APOE: variants seen among roughly 807,000 people sequenced by gnomAD.
The protein encoded by APOE is apolipoprotein E, also known as apolipoprotein E3.
APOE carries 10 observed loss-of-function variants against 13.1 expected under a neutral mutation model. The observed-to-expected ratio is 0.76, with a 90% confidence interval of 0.47 to 1.29. The LOEUF is 1.29. Among genes scored for constraint, APOE ranks in the 50% most tolerant of loss-of-function variants. APOE has a pLI of 0.00. For missense variants in APOE, 471 were observed against 459.6 expected, an observed-to-expected ratio of 1.02 and a Z score of -0.23; for synonymous variants, 211 against 207.1, an observed-to-expected ratio of 1.02 and a Z score of -0.16.
rs372938213 is a variant in APOE at position 44,908,646 on chromosome 19, C to T, written c.350C>T (p.Ala117Val). 4.4e-6 allele frequency: 7 copies of T among 1,597,976 alleles called. No homozygotes were observed. The highest frequency in any genetic ancestry group is 6.0e-6 in the Non-Finnish European group (7 of 1,172,414). ...GCACGGCTGTCCAAGGAGCTGCAGG[C>T]GGCGCAGGCCCGGCTGGGCGCGGAC... ...TRARLSKELQ[A>V]AQARLGADME... Residue 117 changes from alanine (A) to valine (V), a missense_variant, in exon 4 of 4, where the codon GCG (alanine) becomes GTG (valine). Physicochemically the swap from Ala to Val is moderately conservative, Grantham distance 64 (BLOSUM62 0). Coordinates refer to ENST00000252486, the MANE Select transcript of APOE (RefSeq NM_000041.4).
At position 44,908,997 on chromosome 19, in the gene APOE, C is replaced by T. The variant is rs1276043726; in HGVS notation, c.701C>T (p.Ala234Val). The T allele has an allele frequency of 3.3e-6, 5 of 1,534,146 alleles. No homozygotes were observed. The Admixed American group carries it at 5.9e-5, about 18-fold the overall frequency. Residue 234 changes from alanine (A) to valine (V), a missense_variant, in exon 4 of 4, where the codon GCG becomes GTG. Physicochemically the swap from Ala to Val is moderately conservative, Grantham distance 64. Coordinates refer to ENST00000252486, the MANE Select transcript of APOE (RefSeq NM_000041.4). The stretch of plus-strand genomic sequence containing the variant: ...CAGGCCTGGGGCGAGCGGCTGCGCG[C>T]GCGGATGGAGGAGATGGGCAGCCGG... The part of the protein sequence containing the change: ...RAQAWGERLR[A>V]RMEEMGSRTR...
In APOE at chr19:44,907,610, C is replaced by T. The variant is rs1273737846; in HGVS notation, c.44-150C>T. The T allele has an allele frequency of 1.3e-5, 9 of 709,982 alleles. No homozygotes were observed. The highest frequency in any genetic ancestry group is 1.2e-4 in the African/African-American group (7 of 57,172). The allele number at this position is 709,982 out of a possible 1,614,324, so 44.0% of individuals were successfully genotyped here. ...AGACCCTGTTTATAAATACATAATG[C>T]TTTCCAAGTGATTAAACCGACTCCC... On this transcript the variant is annotated intron_variant, in intron 2 of 3. Transcript: ENST00000252486. This position sits in a 1 kb window ranked among gnomAD's most constrained non-coding sequence, Gnocchi z 4.1.
Position 44,906,322 on chromosome 19 carries a change from C to T in APOE, c.-23-280C>T, listed in dbSNP as rs769448. The T allele has an allele frequency of 0.02, 8,611 of 421,258 alleles. 98 individuals are homozygous for T. The highest frequency in any genetic ancestry group is 0.028 in the Non-Finnish European group (6,839 of 246,506). 26.1% of individuals were successfully genotyped at this position (421,258 alleles called of 1,614,324 possible). On this transcript the variant is annotated intron_variant, in intron 1 of 3. Coordinates refer to ENST00000252486, the MANE Select transcript of APOE (RefSeq NM_000041.4). ...TGCGAGACTGGGACTGAGATGGAACCGGCGGTGGGGAGGGGGTGGGGGGAT... is the reference window on the plus strand; with the variant it reads ...TGCGAGACTGGGACTGAGATGGAACTGGCGGTGGGGAGGGGGTGGGGGGAT...
At chr19:44,908,069 T>A in intron 3 of APOE, 117 bp downstream of exon 3, 2 of 956,172 alleles carry the variant, frequency 2.1e-6, no homozygotes, top group Non-Finnish European at 3.3e-6. Flanking sequence ...CTGCTGGTTC[T>A]AGCTTCCTCT....
At chr19:44,906,568 A>G (rs1441485841) in intron 1 of APOE, 34 bp from the exon 2 acceptor site, 4 of 1,613,492 alleles carry the variant, frequency 2.5e-6, no homozygotes, top group Non-Finnish European at 3.4e-6. Context: ...AGGAGTCCTC[A>G]CTGGCGGTTG....
rs972038965 is a variant in APOE, at chr19:44,905,858, G to A, written c.-24+17G>A. 9 of 1,295,102 alleles carry A rather than the reference G, an allele frequency of 6.9e-6. No individual in the cohort carries two copies. The highest frequency in any genetic ancestry group is 9.1e-6 in the Non-Finnish European group (9 of 985,968). 80.2% of individuals were successfully genotyped at this position (1,295,102 alleles called of 1,614,324 possible). On this transcript the variant is annotated intron_variant, in intron 1 of 3. Transcript: ENST00000252486. ...CAGGAGCCGGTGAGAAGCGCAGTCGGGGGCACGGGGATGAGCTCAGGGGCC... is the reference window on the plus strand; with the variant it reads ...CAGGAGCCGGTGAGAAGCGCAGTCGAGGGCACGGGGATGAGCTCAGGGGCC...
At position 44,909,345 on chromosome 19, in the gene APOE, C is replaced by A; in HGVS notation, c.*95C>A. The A allele has an allele frequency of 8.4e-7, 1 of 1,188,510 alleles. No individual in the cohort carries two copies. Among genetic ancestry groups the A allele is most frequent in the Non-Finnish European group, 1.2e-6 (1 of 820,376 alleles). The allele number at this position is 1,188,510 out of a possible 1,614,324, so 73.6% of individuals were successfully genotyped here. On this transcript the variant is annotated 3_prime_UTR_variant, in exon 4 of 4. Transcript: ENST00000252486. ...GAGACCCTGTCCCCGCCCCAGCCGT[C>A]CTCCTGGGGTGGACCCTAGTTTAAT...
Position 44,909,183 on chromosome 19 carries a change from G to A in APOE, c.887G>A (p.Gly296Glu). Residue 296 changes from glycine to glutamate, a missense_variant, in exon 4 of 4, where the codon GGG (glycine) becomes GAG (glutamate). By Grantham distance (98) the Gly-to-Glu change is moderately conservative. Transcript: ENST00000252486. The part of the protein sequence containing the change: ...LVEDMQRQWA[G>E]LVEKVQAAVG... Reference sequence around the variant, plus strand: ...GAAGACATGCAGCGCCAGTGGGCCGGGCTGGTGGAGAAGGTGCAGGCTGCC... The same window carrying A: ...GAAGACATGCAGCGCCAGTGGGCCGAGCTGGTGGAGAAGGTGCAGGCTGCC... 1 of 1,599,436 alleles carries A rather than the reference G, an allele frequency of 6.3e-7. No homozygotes were observed. Among genetic ancestry groups the A allele is most frequent in the South Asian group, 1.1e-5 (1 of 90,794 alleles).
At position 44,908,518 on chromosome 19, in the gene APOE, C is replaced by G; in HGVS notation, c.237-15C>G. On this transcript the variant is annotated splice_polypyrimidine_tract_variant and intron_variant, in intron 3 of 3. Transcript: ENST00000252486. ...CCTCCCACTGTGCGACACCCTCCCG[C>G]CCTCTCGGCCGCAGGGCGCTGATGG... 4 of 1,613,124 alleles carry G rather than the reference C, an allele frequency of 2.5e-6. No homozygotes were observed. The highest frequency in any genetic ancestry group is 3.4e-6 in the Non-Finnish European group (4 of 1,179,516).
Position 44,905,963 on chromosome 19 carries a change from A to G in APOE, c.-24+122A>G, listed in dbSNP as rs1379399369. 3 of 1,275,628 alleles carry G rather than the reference A, an allele frequency of 2.4e-6. No individual in the cohort carries two copies. The South Asian group carries it at 3.8e-5, about 16-fold the overall frequency. 79.0% of individuals were successfully genotyped at this position (1,275,628 alleles called of 1,614,324 possible). A position where few individuals can be genotyped will look rare whatever the true frequency, so the allele number is the denominator to read the frequency against. ...GCTACTCGGGGTCGGGCTTGGGGAG[A>G]GGAGGAGCGGGGGTGAGGCAAGCAG... On this transcript the variant is annotated intron_variant, in intron 1 of 3. Transcript: ENST00000252486.
At chr19:44,906,573 C>G (rs762734089) in intron 1 of APOE, 29 bp from the exon 2 acceptor site, 2 of 1,613,670 alleles carry the variant, frequency 1.2e-6, no homozygotes, top group South Asian at 2.2e-5. Flanking sequence ...TCCTCACTGG[C>G]GGTTGATTGA....
At chr19:44,906,386 T>C in intron 1 of APOE, 1 of 589,190 alleles carries the variant, frequency 1.7e-6, no homozygotes, top group Non-Finnish European at 3.1e-6. Context: ...GAATTTTCTA[T>C]GGAGGCCGAC....
chr19:44,907,265 C>G lies in APOE; in HGVS notation c.44-495C>G. 4.4e-6 allele frequency: 1 copy of G among 227,662 alleles called. No homozygotes were observed. Among genetic ancestry groups the G allele is most frequent in the Non-Finnish European group, 8.8e-6 (1 of 113,250 alleles). The allele number at this position is 227,662 out of a possible 1,614,324, so 14.1% of individuals were successfully genotyped here. ...GCTGTGATCTTTATTCTCCATCACCCCCACACAGCCCTGCCTGGGGCACAC... is the reference window on the plus strand; with the variant it reads ...GCTGTGATCTTTATTCTCCATCACCGCCACACAGCCCTGCCTGGGGCACAC... On this transcript the variant is annotated intron_variant, in intron 2 of 3. Coordinates refer to ENST00000252486, the MANE Select transcript of APOE (RefSeq NM_000041.4). The surrounding 1 kb of genome is among the most constrained non-coding windows in gnomAD (Gnocchi z 4.1).
chr19:44,905,845 A>G lies in APOE; in HGVS notation c.-24+4A>G. 7.7e-7 allele frequency: 1 copy of G among 1,294,730 alleles called. No individual in the cohort carries two copies. Among genetic ancestry groups the G allele is most frequent in the Non-Finnish European group, 1.0e-6 (1 of 985,410 alleles). The allele number at this position is 1,294,730 out of a possible 1,614,324, so 80.2% of individuals were successfully genotyped here. ...GGACGTCCTTCCCCAGGAGCCGGTGAGAAGCGCAGTCGGGGGCACGGGGAT... is the reference window on the plus strand; with the variant it reads ...GGACGTCCTTCCCCAGGAGCCGGTGGGAAGCGCAGTCGGGGGCACGGGGAT... On this transcript the variant is annotated splice_donor_region_variant and intron_variant, in intron 1 of 3. Coordinates refer to ENST00000252486, the MANE Select transcript of APOE (RefSeq NM_000041.4).
rs1282294107 is a variant in APOE at position 44,909,165 on chromosome 19, T to A, written c.869T>A (p.Met290Lys). The change falls in exon 4 of 4, where the codon ATG (methionine) becomes AAG (lysine). Residue 290 changes from methionine to lysine, a missense_variant. Met to Lys is a moderately conservative substitution (Grantham distance 95, BLOSUM62 -1). Coordinates refer to ENST00000252486, the MANE Select transcript of APOE (RefSeq NM_000041.4). ...TGGTTCGAGCCCCTGGTGGAAGACA[T>A]GCAGCGCCAGTGGGCCGGGCTGGTG... ...KSWFEPLVED[M>K]QRQWAGLVEK... 1 of 1,600,898 alleles carries A rather than the reference T, an allele frequency of 6.2e-7. No homozygotes were observed. The highest frequency in any genetic ancestry group is 8.5e-7 in the Non-Finnish European group (1 of 1,179,002).
rs1214824838 is a variant in APOE, at chr19:44,906,617, G to A, written c.-8G>A. On this transcript the variant is annotated 5_prime_UTR_variant, in exon 2 of 4. Coordinates refer to ENST00000252486, the MANE Select transcript of APOE (RefSeq NM_000041.4). ...CCTTCCCCAGACTGGCCAATCACAG[G>A]CAGGAAGATGAAGGTTCTGTGGGCT... The A allele has an allele frequency of 1.9e-5, 31 of 1,614,110 alleles. No homozygotes were observed. The highest frequency in any genetic ancestry group is 2.6e-5 in the Non-Finnish European group (31 of 1,180,012).
At position 44,908,552 on chromosome 19, in the gene APOE, A is replaced by C; in HGVS notation, c.256A>C (p.Met86Leu). The change falls in exon 4 of 4, where the codon ATG becomes CTG. Residue 86 changes from methionine (M) to leucine (L), a missense_variant. By Grantham distance (15) the Met-to-Leu change is conservative (BLOSUM62 2). Coordinates refer to ENST00000252486, the MANE Select transcript of APOE (RefSeq NM_000041.4). Reference protein sequence around the residue: ...QELRALMDETMKELKAYKSEL... With the variant: ...QELRALMDETLKELKAYKSEL... Reference sequence around the variant, plus strand: ...CCGCAGGGCGCTGATGGACGAGACCATGAAGGAGTTGAAGGCCTACAAATC... The same window carrying C: ...CCGCAGGGCGCTGATGGACGAGACCCTGAAGGAGTTGAAGGCCTACAAATC... 3.1e-6 allele frequency: 5 copies of C among 1,613,008 alleles called. No individual in the cohort carries two copies. Among genetic ancestry groups the C allele is most frequent in the Non-Finnish European group, 2.5e-6 (3 of 1,179,356 alleles).
chr19:44,909,304 G>C lies in APOE; in HGVS notation c.*54G>C. ...ACGCCACCCCGTGCCTCCTGCCTCC[G>C]CGCAGCCTGCAGCGGGAGACCCTGT... On this transcript the variant is annotated 3_prime_UTR_variant, in exon 4 of 4. Transcript: ENST00000252486. The C allele has an allele frequency of 2.0e-6, 3 of 1,534,650 alleles. No individual in the cohort carries two copies. The highest frequency in any genetic ancestry group is 2.7e-6 in the Non-Finnish European group (3 of 1,125,916).
At chr19:44,905,907 G>A (rs1568614966) in intron 1 of APOE, 66 bp downstream of exon 1, 1 of 1,297,282 alleles carries the variant, frequency 7.7e-7, no homozygotes, top group Non-Finnish European at 1.0e-6. Context: ...GGGACCCTGG[G>A]AACCCCTGGC....
Sources: allele counts gnomAD v4.1 joint callset, GRCh38; gene constraint gnomAD v4.1.1; non-coding constraint Gnocchi (gnomAD v3.1); transcripts MANE v1.5; gene names NCBI Gene and HGNC (gene_info 2026-07-23, HGNC 2026-07-21).